The following MB21D2 variants were observed in gnomAD, a reference collection of about 807,000 sequenced individuals.
MB21D2 encodes Mab-21 domain containing 2, also known as nucleotidyltransferase MB21D2.
A neutral mutation model predicts 33.3 loss-of-function variants in MB21D2; 9 were observed. The observed-to-expected ratio is 0.27, with a 90% CI of 0.16 to 0.47. MB21D2 has a LOEUF of 0.47. Among genes scored for constraint, MB21D2 ranks in the 20% least tolerant of loss-of-function variants. MB21D2 has a pLI of 0.99. For synonymous variants in MB21D2, 241 were observed against 236.3 expected, an observed-to-expected ratio of 1.02 and a Z score of -0.18; for missense variants, 540 against 624.6, an observed-to-expected ratio of 0.86 and a Z score of 1.44.
chr3:192,846,654 A>C (rs1322773886), intron 1 of MB21D2, among the ~76,000 whole-genome samples: 1 of 152,204 alleles, frequency 6.6e-6, no homozygotes, highest in Non-Finnish European at 1.5e-5. Context: ...CCTGAACAAG[A>C]AATCCATGCT....
At chr3:192,891,165 T>C (rs893983342) in intron 1 of MB21D2, among the ~76,000 whole-genome samples, 2 of 152,154 alleles carry the variant, frequency 1.3e-5, no homozygotes, top group Non-Finnish European at 2.9e-5. Flanking sequence ...GTAGGTGTAT[T>C]ATGCAATTTT....
chr3:192,894,733 A>T (rs1370052823), intron 1 of MB21D2, among the ~76,000 whole-genome samples: 3 of 152,006 alleles, frequency 2.0e-5, no homozygotes. Context: ...ATTCTTTAAG[A>T]ATCCTTTTGC....
chr3:192,835,179 G>T (rs2108622617), intron 1 of MB21D2, among the ~76,000 whole-genome samples: 1 of 142,460 alleles, frequency 7.0e-6, no homozygotes, highest in Admixed American at 6.9e-5. Context: ...AAAAAGCTGG[G>T]TGCGGTGGCT....
At chr3:192,857,847 G>A (rs1245379075) in intron 1 of MB21D2, among the ~76,000 whole-genome samples, 3 of 152,052 alleles carry the variant, frequency 2.0e-5, no homozygotes, top group African/African-American at 4.8e-5. Context: ...GCCTTAGGTC[G>A]GGCGCAGTGG....
intron 1 of MB21D2, among the ~76,000 whole-genome samples, chr3:192,800,359 C>T (rs1398452751): frequency 6.6e-6 from 1 of 152,146 alleles, no homozygotes; most frequent in Non-Finnish European, 1.5e-5. Flanking sequence ...GGATTACAGG[C>T]ATGAGCTACC....
At chr3:192,835,183 G>A (rs1236599190) in intron 1 of MB21D2, among the ~76,000 whole-genome samples, 121 of 146,832 alleles carry the variant, frequency 8.2e-4, no homozygotes, top group African/African-American at 2.8e-3. Context: ...AGCTGGGTGC[G>A]GTGGCTTAAG....
intron 1 of MB21D2, among the ~76,000 whole-genome samples, chr3:192,890,215 A>C (rs542939623): frequency 6.6e-6 from 1 of 152,230 alleles, no homozygotes; most frequent in Admixed American, 6.5e-5. Flanking sequence ...TTTAGTATAT[A>C]AAACTAGCTA....
In MB21D2 at chr3:192,880,965, ATG is replaced by A. The variant is rs930677286; in HGVS notation, c.211+36663_211+36664del. On this transcript the variant is annotated intron_variant, in intron 1 of 1. Coordinates refer to ENST00000392452, the MANE Select transcript of MB21D2 (RefSeq NM_178496.4). ...TCCCACTTACTGAAAATTATAAAGA[ATG>A]TACACACAAACATATATATTTATAT... 4.6e-5 allele frequency among the ~76,000 whole-genome samples: 7 copies of A among 152,220 alleles called. 1 individual carries two copies. The highest frequency in any genetic ancestry group is 1.7e-4 in the African/African-American group (7 of 41,462).
rs762010497 is a variant in MB21D2 at position 192,799,382 on chromosome 3, T to C, written c.480A>G (p.Lys160=). ...CTACAATGGTGCAGCAGTCTTTCCA[T>C]TTACTGATTGTCCCCTCATCAAAGA... is the stretch of plus-strand genomic sequence containing the variant. ...LRLFDEGTIS[K]WKDCCTIVDH... is the part of the protein sequence containing the mutation. The change falls in exon 2 of 2, where the codon AAA becomes AAG. Residue 160 remains lysine, a synonymous_variant. Coordinates refer to ENST00000392452, the MANE Select transcript of MB21D2 (RefSeq NM_178496.4). The surrounding 1 kb of genome is among the most constrained non-coding windows in gnomAD (Gnocchi z 4.1). The C allele has an allele frequency of 6.2e-7, 1 of 1,614,242 alleles. No homozygotes were observed. The highest frequency in any genetic ancestry group is 1.7e-5 in the Admixed American group (1 of 60,032).
intron 1 of MB21D2, among the ~76,000 whole-genome samples, chr3:192,905,635 C>CAAAAA (rs142676577): frequency 8.4e-4 from 71 of 84,884 alleles, no homozygotes; most frequent in East Asian, 1.3e-3. Context: ...CGCCCTGTCT[C>CAAAAA]AAAAAAAAAA....
intron 1 of MB21D2, among the ~76,000 whole-genome samples, chr3:192,820,873 T>C (rs1428288406): frequency 1.3e-5 from 2 of 152,054 alleles, no homozygotes; most frequent in Non-Finnish European, 2.9e-5. Context: ...CAAGCAATCC[T>C]CTCACCTCAG....
chr3:192,856,183 G>A (rs1712912383), intron 1 of MB21D2, among the ~76,000 whole-genome samples: 1 of 152,212 alleles, frequency 6.6e-6, no homozygotes, highest in Non-Finnish European at 1.5e-5. Context: ...GACTCTGATT[G>A]CATTCAGAGG....
At chr3:192,861,400 GA>G (rs1186578590) in intron 1 of MB21D2, among the ~76,000 whole-genome samples, 1 of 152,216 alleles carries the variant, frequency 6.6e-6, no homozygotes, top group African/African-American at 2.4e-5. Context: ...CAGTTGCCTA[GA>G]GTAACAGTAC....
At chr3:192,894,526 G>A (rs1713923857) in intron 1 of MB21D2, among the ~76,000 whole-genome samples, 2 of 152,112 alleles carry the variant, frequency 1.3e-5, no homozygotes, top group Non-Finnish European at 2.9e-5. Context: ...TCACCTGAGA[G>A]GTCTTCACCT....
At chr3:192,821,379 C>T (rs941241782) in intron 1 of MB21D2, among the ~76,000 whole-genome samples, 1 of 152,158 alleles carries the variant, frequency 6.6e-6, no homozygotes. Context: ...GAACTATCCA[C>T]ACCTGCTCCC....
At chr3:192,875,984 T>C (rs1388212736) in intron 1 of MB21D2, among the ~76,000 whole-genome samples, 1 of 152,174 alleles carries the variant, frequency 6.6e-6, no homozygotes, top group Non-Finnish European at 1.5e-5. Context: ...TTAACCAGGA[T>C]GTACCTATGT....
rs2108607178 is a variant in MB21D2, at chr3:192,798,822, T to C, written c.1040A>G (p.Tyr347Cys). The C allele has an allele frequency of 6.2e-7, 1 of 1,611,982 alleles. No individual in the cohort carries two copies. Among genetic ancestry groups the C allele is most frequent in the East Asian group, 2.2e-5 (1 of 44,858 alleles). ...LWACDRLPAN[Y>C]LAQEDYAAHF... is the part of the protein sequence containing the mutation. ...GGCTGCATAGTCTTCTTGAGCCAAG[T>C]AGTTGGCAGGAAGTCTGTCGCAGGC... Residue 347 changes from tyrosine to cysteine, a missense_variant, in exon 2 of 2, where the codon TAC (tyrosine) becomes TGC (cysteine). Transcript: ENST00000392452. This position sits in a 1 kb window ranked among gnomAD's most constrained non-coding sequence, Gnocchi z 4.8.
At chr3:192,872,495 G>A (rs1285228861) in intron 1 of MB21D2, among the ~76,000 whole-genome samples, 5 of 151,112 alleles carry the variant, frequency 3.3e-5, no homozygotes, top group Admixed American at 1.3e-4. Flanking sequence ...AGAGTGGCGT[G>A]AACCCGGGAG....
At chr3:192,826,895 C>CT (rs928013428) in intron 1 of MB21D2, among the ~76,000 whole-genome samples, 399 of 144,038 alleles carry the variant, frequency 2.8e-3, no homozygotes, top group Admixed American at 4.2e-3. Context: ...CCCTTTCCTT[C>CT]TTTTTTTTTT....
Sources: gnomAD v4.1 joint callset for allele counts (sites outside exome capture counted in the v4.1 genomes callset) on GRCh38, gnomAD v4.1.1 for gene constraint, Gnocchi (gnomAD v3.1) non-coding constraint, MANE v1.5 for transcripts, NCBI Gene and HGNC (gene_info 2026-07-23, HGNC 2026-07-21) for gene names.